DAPK1: variants seen among roughly 807,000 people sequenced by gnomAD.
DAPK1 encodes death-associated protein kinase 1.
A neutral mutation model predicts 144.9 loss-of-function variants in DAPK1; 56 were observed. That is an observed-to-expected ratio of 0.39 (90% CI 0.31 to 0.48). The LOEUF (loss-of-function observed/expected upper bound fraction) is 0.48. Among genes scored for constraint, DAPK1 ranks in the 20% least tolerant of loss-of-function variants. DAPK1 has a pLI of 0.95. For missense variants in DAPK1, 1,454 were observed against 1,875.4 expected (o/e 0.78, Z 4.15); for synonymous variants, 690 against 749.0 (o/e 0.92, Z 1.29).
At chr9:87,503,146 G>T (rs1278669817) in intron 2 of DAPK1, among the ~76,000 whole-genome samples, 1 of 152,066 alleles carries the variant, frequency 6.6e-6, no homozygotes, top group Non-Finnish European at 1.5e-5. Flanking sequence ...CATCTGACAT[G>T]CAGTCTGTCT....
chr9:87,513,018 A>G (rs1435924530), intron 2 of DAPK1, among the ~76,000 whole-genome samples: 1 of 152,204 alleles, frequency 6.6e-6, no homozygotes, highest in Non-Finnish European at 1.5e-5. Flanking sequence ...TTAGTTTGTA[A>G]AAGTAACATA....
At chr9:87,565,156 G>T (rs1029862456) in intron 2 of DAPK1, among the ~76,000 whole-genome samples, 2 of 152,174 alleles carry the variant, frequency 1.3e-5, no homozygotes, top group Non-Finnish European at 2.9e-5. Flanking sequence ...CACCACCACA[G>T]CTCCTTGGTG....
intron 19 of DAPK1, among the ~76,000 whole-genome samples, chr9:87,674,690 G>A (rs1049726049): frequency 6.6e-6 from 1 of 152,092 alleles, no homozygotes; most frequent in Admixed American, 6.6e-5. Context: ...TGCACCATCC[G>A]TGCAGTCTCA....
chr9:87,528,297 A>C (rs1449100770), intron 2 of DAPK1, among the ~76,000 whole-genome samples: 1 of 151,070 alleles, frequency 6.6e-6, no homozygotes, highest in Non-Finnish European at 1.5e-5. Context: ...AGCTCACTGC[A>C]ACCTCCACCT....
chr9:87,625,630 T>C (rs1829465927), intron 3 of DAPK1, among the ~76,000 whole-genome samples: 2 of 152,228 alleles, frequency 1.3e-5, no homozygotes, highest in South Asian at 4.1e-4. Flanking sequence ...AGATGCCATC[T>C]GCTGCTCTGG....
At chr9:87,640,528 GC>G (rs1333914280) in intron 8 of DAPK1, 78 bp downstream of exon 8, 2 of 1,465,412 alleles carry the variant, frequency 1.4e-6, no homozygotes, top group Non-Finnish European at 1.9e-6. Flanking sequence ...CATGCACAGG[GC>G]CACGTTCCTC....
At chr9:87,507,551 T>C (rs1824651603) in intron 2 of DAPK1, among the ~76,000 whole-genome samples, 1 of 152,198 alleles carries the variant, frequency 6.6e-6, no homozygotes, top group Non-Finnish European at 1.5e-5. Flanking sequence ...GTTTCAGTTG[T>C]GAGCTTGAAA....
At chr9:87,678,895 C>G (rs1392558223) in intron 19 of DAPK1, among the ~76,000 whole-genome samples, 1 of 152,138 alleles carries the variant, frequency 6.6e-6, no homozygotes, top group African/African-American at 2.4e-5. Context: ...GAAGTCTGGT[C>G]CTGGCTTAGG....
chr9:87,499,541 G>A (rs1824317353), intron 2 of DAPK1, among the ~76,000 whole-genome samples: 1 of 152,172 alleles, frequency 6.6e-6, no homozygotes, highest in African/African-American at 2.4e-5. Context: ...AAAAATCTTA[G>A]TACTTTACCC....
Position 87,639,380 on chromosome 9 carries a change from A to C in DAPK1, c.450A>C (p.Arg150Ser), listed in dbSNP as rs1830015298. The change falls in exon 5 of 26, where the codon AGA becomes AGC. Residue 150 changes from arginine to serine, a missense_variant. Around this residue, in one of 2 missense-constraint regions of DAPK1, gnomAD observed 429 missense variants for 637.5 expected, o/e 0.67. Transcript: ENST00000408954. ...LKPENIMLLD[R>S]NVPKPRIKII... ...CTGAGAACATAATGCTTTTGGATAG[A>C]AATGTCCCCAAACCTCGGATCAAGA... 3 of 1,610,472 alleles carry C rather than the reference A, an allele frequency of 1.9e-6. No homozygotes were observed. Among genetic ancestry groups the C allele is most frequent in the Non-Finnish European group, 2.5e-6 (3 of 1,179,108 alleles).
chr9:87,547,896 A>G (rs1826319339), intron 2 of DAPK1, among the ~76,000 whole-genome samples: 1 of 152,178 alleles, frequency 6.6e-6, no homozygotes, highest in Non-Finnish European at 1.5e-5. Context: ...CCTTCACGGA[A>G]ACATCTAGAA....
intron 2 of DAPK1, among the ~76,000 whole-genome samples, chr9:87,565,361 G>C (rs901663772): frequency 6.6e-6 from 1 of 152,218 alleles, no homozygotes; most frequent in Non-Finnish European, 1.5e-5. Context: ...GTCCAGAGCA[G>C]AATCTGACTT....
At chr9:87,633,318 A>G (rs1041233524) in intron 3 of DAPK1, 2 of 984,882 alleles carry the variant, frequency 2.0e-6, no homozygotes, top group African/African-American at 3.5e-5. Context: ...ATGTGTACAT[A>G]TGTAGATATG....
rs1293009432 is a variant in DAPK1 at position 87,707,547 on chromosome 9, T to TGTCTGTGGATGGTCATTGCAGTTTAAGA, written c.*185_*212dup. The TGTCTGTGGATGGTCATTGCAGTTTAAGA allele has an allele frequency of 9.1e-5, 54 of 595,638 alleles. No homozygotes were observed. The highest frequency in any genetic ancestry group is 9.5e-5 in the Non-Finnish European group (32 of 335,544). The allele number at this position is 595,638 out of a possible 1,614,324, so 36.9% of individuals were successfully genotyped here. Reference sequence around the variant, plus strand: ...TACCTCCCTCCCCGTCTCATTCCGTTGTCTGTGGATGGTCATTGCAGTTTA... The same window carrying TGTCTGTGGATGGTCATTGCAGTTTAAGA: ...TACCTCCCTCCCCGTCTCATTCCGTTGTCTGTGGATGGTCATTGCAGTTTAAGAGTCTGTGGATGGTCATTGCAGTTTA... On this transcript the variant is annotated 3_prime_UTR_variant, in exon 26 of 26. Transcript: ENST00000408954. The surrounding 1 kb of genome is among the most constrained non-coding windows in gnomAD (Gnocchi z 4.0).
intron 2 of DAPK1, among the ~76,000 whole-genome samples, chr9:87,544,223 A>T (rs916739752): frequency 1.3e-5 from 2 of 152,164 alleles, no homozygotes; most frequent in Non-Finnish European, 2.9e-5. Flanking sequence ...TACATGAATA[A>T]GTATATAAAT....
At chr9:87,672,711 T>A (rs1487368911) in intron 19 of DAPK1, among the ~76,000 whole-genome samples, 1 of 152,254 alleles carries the variant, frequency 6.6e-6, no homozygotes, top group Non-Finnish European at 1.5e-5. Flanking sequence ...AATTGCGGTC[T>A]TTCTTCCTTG....
At chr9:87,557,574 AC>A (rs1223662579) in intron 2 of DAPK1, among the ~76,000 whole-genome samples, 1 of 152,036 alleles carries the variant, frequency 6.6e-6, no homozygotes, top group African/African-American at 2.4e-5. Flanking sequence ...CTCTTACAGA[AC>A]CCCCCTCCTG....
chr9:87,690,877 G>A (rs1336364362), intron 21 of DAPK1, among the ~76,000 whole-genome samples: 1 of 151,832 alleles, frequency 6.6e-6, no homozygotes, highest in Non-Finnish European at 1.5e-5. Flanking sequence ...CCTGATTGTG[G>A]TGTATCATCT....
chr9:87,521,969 A>G (rs1825313315), intron 2 of DAPK1, among the ~76,000 whole-genome samples: 1 of 152,200 alleles, frequency 6.6e-6, no homozygotes, highest in African/African-American at 2.4e-5. Flanking sequence ...GAGAGGCCCA[A>G]GCATATTTAG....
Sources: allele counts gnomAD v4.1 joint callset (sites outside exome capture counted in the v4.1 genomes callset), GRCh38; gene constraint gnomAD v4.1.1; regional missense constraint gnomAD v4.1.1; non-coding constraint Gnocchi (gnomAD v3.1); transcripts MANE v1.5; gene names NCBI Gene and HGNC (gene_info 2026-07-23, HGNC 2026-07-21).